Variants in DTX3L observed in about 807,000 individuals in gnomAD.
DTX3L encodes E3 ubiquitin-protein ligase DTX3L.
Under a neutral mutation model 60.9 loss-of-function variants are expected in DTX3L, and 34 were observed. The observed-to-expected ratio is 0.56, with a 90% CI of 0.42 to 0.74. The LOEUF (loss-of-function observed/expected upper bound fraction) is 0.74, where lower values mean the gene tolerates loss of function less well. Ranked by LOEUF, DTX3L falls within the 30% of genes least tolerant of loss-of-function variation. The probability of loss-of-function intolerance (pLI) is 0.00; values close to 1 mark genes in which losing one functional copy is unlikely to be tolerated. For synonymous variants in DTX3L, 290 were observed against 316.6 expected (o/e 0.92, Z 0.89); for missense variants, 810 against 874.0 (o/e 0.93, Z 0.92).
rs763225410 is a variant in DTX3L, at chr3:122,569,438, G to T, written c.1349G>T (p.Arg450Ile). Residue 450 changes from arginine (R) to isoleucine (I), a missense_variant, in exon 3 of 5, where the codon AGA (arginine) becomes ATA (isoleucine). Transcript: ENST00000296161. ...CAACATGCCTCATGTCAGTTGATGA[G>T]AGAAGTTCTTTTACTGAAGTCTTTG... ...AFQHASCQLM[R>I]EVLLLKSLGK... 1 of 1,614,172 alleles carries T rather than the reference G, an allele frequency of 6.2e-7. No homozygotes were observed.
At chr3:122,571,446 T>C (rs778956865) in intron 4 of DTX3L, among the ~76,000 whole-genome samples, 16 of 152,234 alleles carry the variant, frequency 1.1e-4, no homozygotes, top group Admixed American at 2.6e-4. Flanking sequence ...TACTTTGTAG[T>C]TGGCAGGGTA....
rs1559902767 is a variant in DTX3L at position 122,568,790 on chromosome 3, A to G, written c.701A>G (p.Asn234Ser). ...GAAACCAAGGCAGAACAAAAAAGCA[A>G]CTATTTTGAAGTTCCCTTGCCTTAC... is the stretch of plus-strand genomic sequence containing the variant. ...EPETKAEQKS[N>S]YFEVPLPYFE... The change falls in exon 3 of 5, where the codon AAC (asparagine) becomes AGC (serine). Residue 234 changes from asparagine to serine, a missense_variant. Physicochemically the swap from Asn to Ser is conservative, Grantham distance 46. Transcript: ENST00000296161. The G allele has an allele frequency of 6.2e-7, 1 of 1,614,110 alleles. No individual in the cohort carries two copies.
In DTX3L at chr3:122,572,698, C is replaced by T. The variant is rs1187164901; in HGVS notation, c.*951C>T. On this transcript the variant is annotated 3_prime_UTR_variant, in exon 5 of 5. Transcript: ENST00000296161. ...GTTCAAGCGATTCTCCTGCCTCAGCCTCCTGAGTAGCTGGGATTACAGGTG... is the reference window on the plus strand; with the variant it reads ...GTTCAAGCGATTCTCCTGCCTCAGCTTCCTGAGTAGCTGGGATTACAGGTG... 6.6e-6 allele frequency: 1 copy of T among 152,304 alleles called. No homozygotes were observed. The highest frequency in any genetic ancestry group is 1.5e-5 in the Non-Finnish European group (1 of 68,152). 9.4% of individuals were successfully genotyped at this position (152,304 alleles called of 1,614,324 possible). A position where few individuals can be genotyped will look rare whatever the true frequency, so the allele number is the denominator to read the frequency against.
intron 1 of DTX3L, among the ~76,000 whole-genome samples, chr3:122,565,511 CT>C (rs2080558606): frequency 2.8e-5 from 1 of 36,188 alleles, no homozygotes; most frequent in African/African-American, 1.1e-4. Context: ...GAGACTCCGT[CT>C]AAAAAAAAAA....
chr3:122,569,765 G>T lies in DTX3L; in HGVS notation c.1676G>T (p.Gly559Val), dbSNP rs765701328. The part of the protein sequence containing the change: ...EASELDKKEK[G>V]ICVICMDTIS... ...TCAGAACTGGACAAGAAGGAAAAGG[G>T]CATCTGTGTCATCTGTATGGACACC... Residue 559 changes from glycine to valine, a missense_variant, in exon 3 of 5, where the codon GGC becomes GTC. Transcript: ENST00000296161. 1 of 1,614,124 alleles carries T rather than the reference G, an allele frequency of 6.2e-7. No individual in the cohort carries two copies.
At chr3:122,567,874 C>A (rs951708821) in intron 2 of DTX3L, among the ~76,000 whole-genome samples, 2 of 152,180 alleles carry the variant, frequency 1.3e-5, no homozygotes, top group Non-Finnish European at 2.9e-5. Context: ...CATGCCCAGG[C>A]TCCACTGCAG....
chr3:122,568,772 A>C lies in DTX3L; in HGVS notation c.683A>C (p.Lys228Thr). 6.2e-7 allele frequency: 1 copy of C among 1,614,160 alleles called. No individual in the cohort carries two copies. The highest frequency in any genetic ancestry group is 1.1e-5 in the South Asian group (1 of 91,086). ...SCISPSEPETKAEQKSNYFEV... is the reference protein window; with the variant it reads ...SCISPSEPETTAEQKSNYFEV... The stretch of plus-strand genomic sequence containing the variant: ...ATTTCTCCTTCTGAACCAGAAACCA[A>C]GGCAGAACAAAAAAGCAACTATTTT... Residue 228 changes from lysine (K) to threonine (T), a missense_variant, in exon 3 of 5, where the codon AAG becomes ACG. Transcript: ENST00000296161.
At position 122,569,962 on chromosome 3, in the gene DTX3L, C is replaced by G. The variant is rs145773907; in HGVS notation, c.1873C>G (p.Pro625Ala). The G allele has an allele frequency of 6.2e-7, 1 of 1,614,074 alleles. No individual in the cohort carries two copies. Among genetic ancestry groups the G allele is most frequent in the African/African-American group, 1.3e-5 (1 of 75,040 alleles). Reference protein sequence around the residue: ...MVFTVSRDSLPGYESFGTIVI... With the variant: ...MVFTVSRDSLAGYESFGTIVI... ...TTTCACTGTTTCAAGAGACTCACTT[C>G]CAGGTTATGAGTCCTTTGGCACCAT... The change falls in exon 3 of 5, where the codon CCA (proline) becomes GCA (alanine). Residue 625 changes from proline (P) to alanine (A), a missense_variant. Coordinates refer to ENST00000296161, the MANE Select transcript of DTX3L (RefSeq NM_138287.3).
In DTX3L at chr3:122,568,860, A is replaced by G. The variant is rs764575795; in HGVS notation, c.771A>G (p.Ile257Met). ...TCTGTCCTGATAAAATCAACTCAAT[A>G]GAGAAAAGATTTGGTGTAAACATTG... ...KYICPDKINSIEKRFGVNIEI... is the reference protein window; with the variant it reads ...KYICPDKINSMEKRFGVNIEI... The change falls in exon 3 of 5, where the codon ATA becomes ATG. Residue 257 changes from isoleucine (I) to methionine (M), a missense_variant. Ile to Met is a conservative substitution (Grantham distance 10). Transcript: ENST00000296161. 2.5e-6 allele frequency: 4 copies of G among 1,613,880 alleles called. No individual in the cohort carries two copies. In the African/African-American group the frequency reaches 5.3e-5, roughly 22 times the overall value.
At chr3:122,564,751 C>A (rs2080526681) in intron 1 of DTX3L, 138 bp downstream of exon 1, 4 of 1,101,164 alleles carry the variant, frequency 3.6e-6, no homozygotes, top group Non-Finnish European at 5.0e-6. Flanking sequence ...AGGGACGGGG[C>A]CCTACTGCCA....
Position 122,570,494 on chromosome 3 carries a change from C to G in DTX3L, c.1975C>G (p.Gln659Glu). The change falls in exon 4 of 5, where the codon CAG becomes GAG. Residue 659 changes from glutamine to glutamate, a missense_variant. Physicochemically the swap from Gln to Glu is conservative, Grantham distance 29 (BLOSUM62 2). Coordinates refer to ENST00000296161, the MANE Select transcript of DTX3L (RefSeq NM_138287.3). ...PNPGKRYPGIQRTAYLPDNKE... is the reference protein window; with the variant it reads ...PNPGKRYPGIERTAYLPDNKE... Reference sequence around the variant, plus strand: ...CCCAGGAAAGAGATACCCTGGAATACAGCGAACTGCATACTTGCCTGATAA... The same window carrying G: ...CCCAGGAAAGAGATACCCTGGAATAGAGCGAACTGCATACTTGCCTGATAA... 6.2e-7 allele frequency: 1 copy of G among 1,614,178 alleles called. No homozygotes were observed. The highest frequency in any genetic ancestry group is 8.5e-7 in the Non-Finnish European group (1 of 1,180,026).
Position 122,569,556 on chromosome 3 carries a change from A to ATTT in DTX3L, c.1467_1468insTTT (p.Ser489_Met490insPhe), listed in dbSNP as rs753041340. The stretch of plus-strand genomic sequence containing the variant: ...TACACTTTGTGCTAAATCAAGAGTC[A>ATTT]ATGACTTTGACTGGTTTGCCAAATC... On this transcript the variant is annotated inframe_insertion, in exon 3 of 5. Coordinates refer to ENST00000296161, the MANE Select transcript of DTX3L (RefSeq NM_138287.3). 6.2e-7 allele frequency: 1 copy of ATTT among 1,614,250 alleles called. No individual in the cohort carries two copies. The highest frequency in any genetic ancestry group is 8.5e-7 in the Non-Finnish European group (1 of 1,180,050).
At position 122,569,485 on chromosome 3, in the gene DTX3L, C is replaced by G; in HGVS notation, c.1396C>G (p.His466Asp). Residue 466 changes from histidine to aspartate, a missense_variant, in exon 3 of 5, where the codon CAT becomes GAT. Physicochemically the swap from His to Asp is moderately conservative, Grantham distance 81 (BLOSUM62 -1). Coordinates refer to ENST00000296161, the MANE Select transcript of DTX3L (RefSeq NM_138287.3). ...KSLGKERKHLHQTKFADDFRK... is the reference protein window; with the variant it reads ...KSLGKERKHLDQTKFADDFRK... Reference sequence around the variant, plus strand: ...TTTGGGCAAGGAGAGAAAGCACTTACATCAGACCAAGTTTGCTGATGACTT... The same window carrying G: ...TTTGGGCAAGGAGAGAAAGCACTTAGATCAGACCAAGTTTGCTGATGACTT... 1 of 1,614,220 alleles carries G rather than the reference C, an allele frequency of 6.2e-7. No homozygotes were observed. Among genetic ancestry groups the G allele is most frequent in the Non-Finnish European group, 8.5e-7 (1 of 1,180,042 alleles).
At position 122,569,278 on chromosome 3, in the gene DTX3L, T is replaced by A; in HGVS notation, c.1189T>A (p.Ser397Thr). ...LLETELLQEISEIEKRYDICS... is the reference protein window; with the variant it reads ...LLETELLQEITEIEKRYDICS... Reference sequence around the variant, plus strand: ...AGAAACTGAATTACTACAGGAGATATCAGAGATCGAAAAAAGGTATGACAT... The same window carrying A: ...AGAAACTGAATTACTACAGGAGATAACAGAGATCGAAAAAAGGTATGACAT... The change falls in exon 3 of 5, where the codon TCA becomes ACA. Residue 397 changes from serine (S) to threonine (T), a missense_variant. Ser to Thr is a moderately conservative substitution (Grantham distance 58). Transcript: ENST00000296161. The A allele has an allele frequency of 6.2e-7, 1 of 1,614,176 alleles. No individual in the cohort carries two copies. Among genetic ancestry groups the A allele is most frequent in the South Asian group, 1.1e-5 (1 of 91,078 alleles).
intron 3 of DTX3L, 78 bp downstream of exon 3, chr3:122,570,102 A>G (rs1159743359): frequency 3.5e-6 from 5 of 1,434,970 alleles, no homozygotes; most frequent in Admixed American, 1.7e-5. Flanking sequence ...CCTGTTGCCT[A>G]TTAGACAATA....
Position 122,569,529 on chromosome 3 carries a change from T to C in DTX3L, c.1440T>C (p.Asn480=), listed in dbSNP as rs766250341. The change falls in exon 3 of 5, where the codon AAT becomes AAC. Residue 480 remains asparagine (N), a synonymous_variant. Transcript: ENST00000296161. The part of the protein sequence containing the change: ...FADDFRKRHP[N]VHFVLNQESM... The stretch of plus-strand genomic sequence containing the variant: ...ATGACTTTAGAAAAAGACATCCAAA[T>C]GTACACTTTGTGCTAAATCAAGAGT... 8.1e-5 allele frequency: 131 copies of C among 1,614,098 alleles called. No individual in the cohort carries two copies. Among genetic ancestry groups the C allele is most frequent in the Non-Finnish European group, 1.1e-4 (129 of 1,180,038 alleles).
chr3:122,568,530 C>T lies in DTX3L; in HGVS notation c.441C>T (p.Phe147=), dbSNP rs2080607048. ...CAGCTGACCTGAACTGTAACCTGTT[C>T]TCCAAAGAGCAGAGGGCATACATAA... ...TVTADLNCNL[F]SKEQRAYITT... is the part of the protein sequence containing the mutation. The change falls in exon 3 of 5, where the codon TTC becomes TTT. Residue 147 remains phenylalanine, a synonymous_variant. Transcript: ENST00000296161. 1.9e-6 allele frequency: 3 copies of T among 1,612,962 alleles called. No individual in the cohort carries two copies. In the Admixed American group the frequency reaches 5.0e-5, roughly 27 times the overall value.
intron 2 of DTX3L, among the ~76,000 whole-genome samples, chr3:122,566,535 T>C (rs1354755458): frequency 2.0e-5 from 3 of 151,958 alleles, no homozygotes; most frequent in Non-Finnish European, 4.4e-5. Context: ...GCCAATTTTT[T>C]TTTTTTTTGT....
rs150765058 is a variant in DTX3L at position 122,568,928 on chromosome 3, C to T, written c.839C>T (p.Thr280Ile). ...SSPNMVCLDF[T>I]SSRSGDLEAA... is the part of the protein sequence containing the mutation. ...CCAAATATGGTCTGTTTAGATTTCA[C>T]CTCAAGTCGATCAGGTGACCTGGAA... The change falls in exon 3 of 5, where the codon ACC (threonine) becomes ATC (isoleucine). Residue 280 changes from threonine (T) to isoleucine (I), a missense_variant. Coordinates refer to ENST00000296161, the MANE Select transcript of DTX3L (RefSeq NM_138287.3). 3,124 of 1,614,126 alleles carry T rather than the reference C, an allele frequency of 1.9e-3. 21 individuals carry two copies. Among genetic ancestry groups the T allele is most frequent in the South Asian group, 0.013 (1,142 of 91,086 alleles).
Sources: gnomAD v4.1 joint callset for allele counts (sites outside exome capture counted in the v4.1 genomes callset) on GRCh38, gnomAD v4.1.1 for gene constraint, MANE v1.5 for transcripts, NCBI Gene and HGNC (gene_info 2026-07-23, HGNC 2026-07-21) for gene names.